The following C2orf42 variants were observed in gnomAD, a reference collection of about 807,000 sequenced individuals.
C2orf42 encodes the protein uncharacterized protein C2orf42.
C2orf42 carries 44 observed loss-of-function variants against 58.9 expected under a neutral mutation model. The observed-to-expected ratio is 0.75, with a 90% CI of 0.59 to 0.96. The LOEUF (loss-of-function observed/expected upper bound fraction) is 0.96. Among genes scored for constraint, C2orf42 ranks in the 40% least tolerant of loss-of-function variants. The pLI, the probability that C2orf42 is intolerant of heterozygous loss-of-function variation, is 0.00. For synonymous variants in C2orf42, 239 were observed against 265.4 expected (o/e 0.90, Z 0.97); for missense variants, 630 against 699.2 (o/e 0.90, Z 1.12).
Position 70,171,439 on chromosome 2 carries a change from C to T in C2orf42, c.1040-1778G>A, listed in dbSNP as rs150345147. 2.5e-4 allele frequency among the ~76,000 whole-genome samples: 38 copies of T among 152,240 alleles called. No homozygotes were observed. The Middle Eastern group carries it at 0.02, about 82-fold the overall frequency. ...CACAAATAGATGACTGAGTGATGCA[C>T]GCACTGTGGGTTGCAATGATAATAC... is the stretch of plus-strand genomic sequence containing the variant. On this transcript the variant is annotated intron_variant, in intron 5 of 9. Transcript: ENST00000264434.
At chr2:70,189,406 CAAAAAA>C (rs1182514916) in intron 1 of C2orf42, among the ~76,000 whole-genome samples, 84 of 27,134 alleles carry the variant, frequency 3.1e-3, no homozygotes, top group African/African-American at 7.9e-3. Flanking sequence ...AACTCCATCT[CAAAAAA>C]AAAAAAAAAA....
intron 6 of C2orf42, among the ~76,000 whole-genome samples, chr2:70,169,319 CCTTTA>C (rs1673636164): frequency 6.6e-6 from 1 of 151,700 alleles, no homozygotes; most frequent in African/African-American, 2.4e-5. Context: ...AGACTACCTG[CCTTTA>C]CTTATTATTT....
intron 5 of C2orf42, among the ~76,000 whole-genome samples, chr2:70,172,238 A>AAG (rs1553409414): frequency 5.3e-5 from 8 of 149,972 alleles, no homozygotes; most frequent in African/African-American, 1.7e-4. Flanking sequence ...AAAAAAAAAA[A>AAG]AAAAAGGCTA....
intron 5 of C2orf42, among the ~76,000 whole-genome samples, chr2:70,173,101 G>A (rs1673939901): frequency 6.6e-6 from 1 of 151,926 alleles, no homozygotes; most frequent in Non-Finnish European, 1.5e-5. Context: ...AGGTTGCAGT[G>A]AGCTGAGATC....
At chr2:70,183,711 C>T (rs528782152) in intron 1 of C2orf42, among the ~76,000 whole-genome samples, 106 of 141,250 alleles carry the variant, frequency 7.5e-4, no homozygotes, top group African/African-American at 2.8e-3. Flanking sequence ...CCAATGCGCC[C>T]GGCCGACCCC....
At chr2:70,154,221 C>T (rs990412393) in intron 9 of C2orf42, among the ~76,000 whole-genome samples, 4 of 150,962 alleles carry the variant, frequency 2.6e-5, no homozygotes, top group Admixed American at 6.6e-5. Flanking sequence ...AAAAGGAAGA[C>T]GAACAAGAAA....
At chr2:70,156,724 T>C (rs1000350250) in intron 9 of C2orf42, among the ~76,000 whole-genome samples, 2 of 151,962 alleles carry the variant, frequency 1.3e-5, no homozygotes, top group African/African-American at 4.8e-5. Flanking sequence ...TAGCTGGGAA[T>C]GGTGGCACAT....
intron 5 of C2orf42, among the ~76,000 whole-genome samples, chr2:70,172,655 A>C (rs1673906915): frequency 6.6e-6 from 1 of 152,214 alleles, no homozygotes. Context: ...CCTGAGTGAC[A>C]GAGCAAGACC....
chr2:70,177,008 AC>A (rs1351645783), intron 4 of C2orf42, among the ~76,000 whole-genome samples: 3 of 152,116 alleles, frequency 2.0e-5, no homozygotes, highest in Non-Finnish European at 4.4e-5. Context: ...ATGGTGGCTC[AC>A]ACCTGTAATC....
rs748507275 is a variant in C2orf42 at position 70,150,542 on chromosome 2, CTTTTGATCTGGGGAAG to C, written c.1523_1538del (p.Thr508ArgfsTer56). 1 of 1,613,700 alleles carries C rather than the reference CTTTTGATCTGGGGAAG, an allele frequency of 6.2e-7. No homozygotes were observed. Among genetic ancestry groups the C allele is most frequent in the Non-Finnish European group, 8.5e-7 (1 of 1,179,676 alleles). ...ACTCGATGATGAAAGGTGTTGGCTC[CTTTTGATCTGGGGAAG>C]TGTTGCCTAAAGAGAAGAAAGGAGT... On this transcript the variant is annotated frameshift_variant, in exon 10 of 10. Transcript: ENST00000264434. LOFTEE classifies it high-confidence loss of function.
At chr2:70,152,120 T>C (rs1011478730) in intron 9 of C2orf42, among the ~76,000 whole-genome samples, 5 of 152,138 alleles carry the variant, frequency 3.3e-5, no homozygotes, top group African/African-American at 1.2e-4. Context: ...CCCTCCACTT[T>C]AGCCTAAATA....
At chr2:70,179,965 A>G (rs1451978696) in intron 3 of C2orf42, among the ~76,000 whole-genome samples, 1 of 151,890 alleles carries the variant, frequency 6.6e-6, no homozygotes, top group African/African-American at 2.4e-5. Context: ...ACAAAAACAA[A>G]AAAAAAATTA....
In C2orf42 at chr2:70,160,679, T is replaced by C. The variant is rs559507367; in HGVS notation, c.1462A>G (p.Ile488Val). Residue 488 changes from isoleucine to valine, a missense_variant, in exon 9 of 10, where the codon ATA (isoleucine) becomes GTA (valine). Ile to Val is a conservative substitution (Grantham distance 29). Transcript: ENST00000264434. Reference sequence around the variant, plus strand: ...GGTCGCAGCACTGGTTGTTTTTCTATACGACCGTAGGTTTCTGCTATGCTT... The same window carrying C: ...GGTCGCAGCACTGGTTGTTTTTCTACACGACCGTAGGTTTCTGCTATGCTT... ...VESIAETYGR[I>V]EKQPVLRPLE... 5.0e-5 allele frequency: 81 copies of C among 1,613,076 alleles called. No homozygotes were observed. The Middle Eastern group carries it at 9.9e-4, about 20-fold the overall frequency.
At position 70,181,772 on chromosome 2, in the gene C2orf42, G is replaced by T; in HGVS notation, c.214C>A (p.Leu72Ile). 6.2e-7 allele frequency: 1 copy of T among 1,614,136 alleles called. No individual in the cohort carries two copies. Among genetic ancestry groups the T allele is most frequent in the Non-Finnish European group, 8.5e-7 (1 of 1,179,970 alleles). ...EAVKIITGSD[L>I]QVYSVRQRDR... ...CTTTGCCGCACTGAGTAGACCTGAA[G>T]ATCAGAGCCTGTAATGATTTTGACA... The change falls in exon 3 of 10, where the codon CTT (leucine) becomes ATT (isoleucine). Residue 72 changes from leucine (L) to isoleucine (I), a missense_variant. By Grantham distance (5) the Leu-to-Ile change is conservative. Transcript: ENST00000264434.
chr2:70,186,619 C>T (rs1001468190), intron 1 of C2orf42, among the ~76,000 whole-genome samples: 3 of 152,104 alleles, frequency 2.0e-5, no homozygotes, highest in African/African-American at 4.8e-5. Context: ...ACCCAAAGGA[C>T]TATAAATCAT....
At position 70,160,133 on chromosome 2, in the gene C2orf42, CTT is replaced by C. The variant is rs558975955; in HGVS notation, c.1516+490_1516+491del. 7.3e-3 allele frequency among the ~76,000 whole-genome samples: 1,009 copies of C among 139,098 alleles called. 7 individuals are homozygous for C. Among genetic ancestry groups the C allele is most frequent in the African/African-American group, 0.025 (964 of 37,828 alleles). 91.3% of individuals were successfully genotyped at this position (139,098 alleles called of 152,430 possible). ...GCATGCATTTATTCATTCAGCAAGT[CTT>C]TTTTTTTTTTTTTTCTTTTTTTGAG... On this transcript the variant is annotated intron_variant, in intron 9 of 9. Transcript: ENST00000264434.
chr2:70,184,689 C>T (rs552496122), intron 1 of C2orf42, among the ~76,000 whole-genome samples: 2 of 152,090 alleles, frequency 1.3e-5, no homozygotes, highest in African/African-American at 2.4e-5. Context: ...CTATGTTGCC[C>T]AGGCTGGCTT....
In C2orf42 at chr2:70,175,771, T is replaced by G. The variant is rs3213941; in HGVS notation, c.941A>C (p.Gln314Pro). 26,004 of 1,592,982 alleles carry G rather than the reference T, an allele frequency of 0.016. 2,890 individuals carry two copies. In the Admixed American group the frequency reaches 0.26, roughly 16 times the overall value. Residue 314 changes from glutamine to proline, a missense_variant, in exon 5 of 10, where the codon CAG becomes CCG. Gln to Pro is a moderately conservative substitution (Grantham distance 76). Coordinates refer to ENST00000264434, the MANE Select transcript of C2orf42 (RefSeq NM_017880.3). ...TTGAGGCAGTAGTGAACTGTTCATC[T>G]GTGCACCTAAACCACAAATCATTAC... Reference protein sequence around the residue: ...KRRKDEVSGAQMNSSLLPQDA... With the variant: ...KRRKDEVSGAPMNSSLLPQDA...
intron 1 of C2orf42, among the ~76,000 whole-genome samples, chr2:70,186,421 A>T (rs1166533919): frequency 6.6e-6 from 1 of 152,192 alleles, no homozygotes; most frequent in African/African-American, 2.4e-5. Context: ...AAGTGGAAAA[A>T]AACCTTTCTG....
Sources: gnomAD v4.1 joint callset for allele counts (sites outside exome capture counted in the v4.1 genomes callset) on GRCh38, gnomAD v4.1.1 for gene constraint, MANE v1.5 for transcripts, NCBI Gene and HGNC (gene_info 2026-07-23, HGNC 2026-07-21) for gene names.